TTC39C: variants seen among roughly 807,000 people sequenced by gnomAD.
The protein encoded by TTC39C is tetratricopeptide repeat protein 39C.
TTC39C carries 33 observed loss-of-function variants against 76.3 expected under a neutral mutation model. That is an observed-to-expected ratio of 0.43 (90% confidence interval 0.33 to 0.58). The LOEUF (loss-of-function observed/expected upper bound fraction) is 0.58, where lower values mean the gene tolerates loss of function less well. Among genes scored for constraint, TTC39C ranks in the 20% least tolerant of loss-of-function variants. TTC39C has a pLI of 0.04. For missense variants in TTC39C, 595 were observed against 701.4 expected (o/e 0.85, Z 1.71); for synonymous variants, 254 against 260.6 (o/e 0.97, Z 0.24).
intron 1 of TTC39C, among the ~76,000 whole-genome samples, chr18:23,996,405 A>G (rs531715272): frequency 8.5e-5 from 13 of 152,372 alleles, no homozygotes; most frequent in Middle Eastern, 3.4e-3. Context: ...ACTTGTGCTA[A>G]TATTAAAATA....
rs2085146627 is a variant in TTC39C, at chr18:24,132,612, G to T, written c.*38G>T. On this transcript the variant is annotated 3_prime_UTR_variant, in exon 14 of 14. Coordinates refer to ENST00000317571, the MANE Select transcript of TTC39C (RefSeq NM_001135993.2). ...ACCCGCTCCGTCCCTCCCCACCCAG[G>T]GTCCGCACTTTAAAATAAAAGCAGA... 4.5e-6 allele frequency: 7 copies of T among 1,556,810 alleles called. 1 individual carries two copies. Among genetic ancestry groups the T allele is most frequent in the Non-Finnish European group, 5.3e-6 (6 of 1,139,560 alleles).
At chr18:23,997,954 G>A (rs893595705) in intron 1 of TTC39C, among the ~76,000 whole-genome samples, 1 of 152,150 alleles carries the variant, frequency 6.6e-6, no homozygotes, top group Non-Finnish European at 1.5e-5. Context: ...AGAAATGTGT[G>A]TTCTACTTCT....
intron 1 of TTC39C, among the ~76,000 whole-genome samples, chr18:24,056,354 G>A (rs148202323): frequency 6.6e-6 from 1 of 152,112 alleles, no homozygotes; most frequent in Non-Finnish European, 1.5e-5. Flanking sequence ...GGGGAGAAAA[G>A]TATTTTGGAA....
At chr18:24,009,315 G>A (rs2083378514) in intron 1 of TTC39C, among the ~76,000 whole-genome samples, 1 of 152,162 alleles carries the variant, frequency 6.6e-6, no homozygotes, top group African/African-American at 2.4e-5. Flanking sequence ...CCTTATCCAT[G>A]GGACTGGAAC....
intron 6 of TTC39C, among the ~76,000 whole-genome samples, chr18:24,083,981 T>C (rs535451771): frequency 6.6e-6 from 1 of 152,294 alleles, no homozygotes; most frequent in South Asian, 2.1e-4. Context: ...ATGAGTCCTT[T>C]TGAAGATTTT....
intron 1 of TTC39C, among the ~76,000 whole-genome samples, chr18:24,008,818 G>A (rs1009609308): frequency 2.6e-5 from 4 of 152,198 alleles, no homozygotes; most frequent in African/African-American, 9.7e-5. Context: ...ATCAACTGTA[G>A]ATGACATAAA....
intron 9 of TTC39C, 186 bp downstream of exon 9, chr18:24,124,129 CT>C: frequency 2.3e-6 from 1 of 440,988 alleles, no homozygotes; most frequent in Non-Finnish European, 3.9e-6. Context: ...AGATTCTTGC[CT>C]TGCTGCAAAT....
At chr18:24,107,286 AACACACACACACAC>A (rs10609672) in intron 6 of TTC39C, among the ~76,000 whole-genome samples, 1 of 150,672 alleles carries the variant, frequency 6.6e-6, no homozygotes, top group African/African-American at 2.4e-5. Context: ...ATCCTTCTCT[AACACACACACACAC>A]ACACACACAC....
intron 5 of TTC39C, 123 bp from the exon 6 acceptor site, chr18:24,082,790 A>C: frequency 1.0e-6 from 1 of 999,226 alleles, no homozygotes; most frequent in East Asian, 2.6e-5. Context: ...TTACTTCTTC[A>C]GAGACTGCAT....
intron 8 of TTC39C, among the ~76,000 whole-genome samples, chr18:24,119,322 T>C (rs912730356): frequency 2.6e-5 from 4 of 152,236 alleles, no homozygotes; most frequent in African/African-American, 9.6e-5. Context: ...GTTTGTGTAA[T>C]GAACTCTCCT....
Position 24,008,378 on chromosome 18 carries a change from G to C in TTC39C, c.-17+15340G>C, listed in dbSNP as rs1413712563. On this transcript the variant is annotated intron_variant, in intron 1 of 13. Coordinates refer to the TTC39C transcript ENST00000304621. The stretch of plus-strand genomic sequence containing the variant: ...CTCCTTCTTCCTCCTGCAGTCAGGG[G>C]AGAAGCCTACTGATTGGAGAGAAGA... Among the ~76,000 whole-genome samples, 4 of 152,212 alleles carry C rather than the reference G, an allele frequency of 2.6e-5. No individual in the cohort carries two copies. The East Asian group carries it at 7.7e-4, about 29-fold the overall frequency.
chr18:24,032,909 A>G (rs2083688175), intron 1 of TTC39C, among the ~76,000 whole-genome samples: 1 of 152,250 alleles, frequency 6.6e-6, no homozygotes, highest in African/African-American at 2.4e-5. Context: ...TTAAATTGGC[A>G]ATGGCTTTCG....
chr18:24,029,325 A>G (rs564997028), intron 1 of TTC39C, among the ~76,000 whole-genome samples: 1 of 152,144 alleles, frequency 6.6e-6, no homozygotes, highest in East Asian at 1.9e-4. Flanking sequence ...TTGGTCTCGA[A>G]CTCCTGACCT....
intron 1 of TTC39C, among the ~76,000 whole-genome samples, chr18:24,048,891 T>G (rs2083917219): frequency 6.6e-6 from 1 of 152,244 alleles, no homozygotes; most frequent in Non-Finnish European, 1.5e-5. Flanking sequence ...AAATATATTC[T>G]TTGAAACACT....
At chr18:24,055,120 C>T (rs2083999135) in intron 1 of TTC39C, among the ~76,000 whole-genome samples, 1 of 152,242 alleles carries the variant, frequency 6.6e-6, no homozygotes, top group African/African-American at 2.4e-5. Context: ...ATGTATATCA[C>T]ATTTTGTTTA....
chr18:24,080,812 A>G lies in TTC39C; in HGVS notation c.688A>G (p.Ile230Val), dbSNP rs140104738. Residue 230 changes from isoleucine to valine, a missense_variant, in exon 5 of 14, where the codon ATA (isoleucine) becomes GTA (valine). By Grantham distance (29) the Ile-to-Val change is conservative. Transcript: ENST00000317571. Reference protein sequence around the residue: ...SFGYGLFHLCISMVPPNLLKI... With the variant: ...SFGYGLFHLCVSMVPPNLLKI... ...TGGATATGGCCTTTTTCACCTTTGC[A>G]TATCCATGGTGCCCCCAAACCTGCT... is the stretch of plus-strand genomic sequence containing the variant. 93 of 1,613,990 alleles carry G rather than the reference A, an allele frequency of 5.8e-5. No homozygotes were observed. The South Asian group carries it at 7.1e-4, about 12-fold the overall frequency.
chr18:24,009,918 G>T (rs1281837777), upstream of TTC39C, among the ~76,000 whole-genome samples: 3 of 152,354 alleles, frequency 2.0e-5, no homozygotes, highest in East Asian at 5.8e-4. Context: ...GGGCAGCCAT[G>T]AGTGTCCTCT....
chr18:24,080,652 C>CAATGCCCTTCAGGAGCTGTATCAG lies in TTC39C; in HGVS notation c.531_554dup (p.Asn177_Gln184dup). 6.8e-6 allele frequency: 11 copies of CAATGCCCTTCAGGAGCTGTATCAG among 1,614,132 alleles called. No individual in the cohort carries two copies. The highest frequency in any genetic ancestry group is 9.3e-6 in the Non-Finnish European group (11 of 1,180,008). ...TTTACAATAAATGCTATCTGGACAT[C>CAATGCCCTTCAGGAGCTGTATCAG]AATGCCCTTCAGGAGCTGTATCAGA... is the stretch of plus-strand genomic sequence containing the variant. On this transcript the variant is annotated inframe_insertion, in exon 5 of 14. Coordinates refer to ENST00000317571, the MANE Select transcript of TTC39C (RefSeq NM_001135993.2).
At chr18:24,061,511 A>G (rs2084099964) in intron 1 of TTC39C, among the ~76,000 whole-genome samples, 1 of 144,592 alleles carries the variant, frequency 6.9e-6, no homozygotes, top group African/African-American at 2.5e-5. Context: ...GAATGAATGC[A>G]TTTTGTGTAG....
Sources: allele counts gnomAD v4.1 joint callset (sites outside exome capture counted in the v4.1 genomes callset), GRCh38; gene constraint gnomAD v4.1.1; transcripts MANE v1.5; gene names NCBI Gene and HGNC (gene_info 2026-07-23, HGNC 2026-07-21).